DDX3X: variants seen among roughly 807,000 people sequenced by gnomAD.
The protein encoded by DDX3X is ATP-dependent RNA helicase DDX3X.
A neutral mutation model predicts 52.7 loss-of-function variants in DDX3X; 4 were observed. The observed-to-expected ratio is 0.08, with a 90% CI of 0.04 to 0.17. DDX3X has a LOEUF of 0.17. Ranked by LOEUF, DDX3X falls within the 10% of genes least tolerant of loss-of-function variation. The pLI, the probability that DDX3X is intolerant of heterozygous loss-of-function variation, is 1.00. For missense variants in DDX3X, 222 were observed against 548.6 expected (o/e 0.40, Z 5.95); for synonymous variants, 192 against 178.1 (o/e 1.08, Z -0.62).
upstream of DDX3X, chrX:41,334,017 C>T (rs2063715973): frequency 2.2e-5 from 9 of 415,013 alleles, no homozygotes; most frequent in South Asian, 2.7e-4. Context: ...ATCCCTTGAG[C>T]TTAGACCTGA....
intron 1 of DDX3X, chrX:41,334,832 CTT>C (rs1230617729): frequency 1.2e-6 from 1 of 839,430 alleles, no homozygotes; most frequent in Non-Finnish European, 1.5e-6. Context: ...GCGGCGGCCT[CTT>C]TTGTGTGGTG....
intron 5 of DDX3X, among the ~76,000 whole-genome samples, chrX:41,359,807 A>AAAAAAAT (rs1164535970): frequency 1.9e-5 from 2 of 107,816 alleles, no homozygotes; most frequent in Non-Finnish European, 3.8e-5. Flanking sequence ...AAAAATACAA[A>AAAAAAAT]AAAAAATAAA....
rs1020934975 is a variant in DDX3X, at chrX:41,342,928, A to C, written c.543+92A>C. Reference sequence around the variant, plus strand: ...TGAGATGGGCTTCATAAAGTCATGTAGACCAGAGGCTTCATAGATTTGTGG... The same window carrying C: ...TGAGATGGGCTTCATAAAGTCATGTCGACCAGAGGCTTCATAGATTTGTGG... On this transcript the variant is annotated intron_variant, in intron 6 of 16. Coordinates refer to ENST00000644876, the MANE Select transcript of DDX3X (RefSeq NM_001356.5). 5.0e-5 allele frequency: 37 copies of C among 734,783 alleles called. No individual in the cohort carries two copies. The Admixed American group carries it at 9.8e-4, about 19-fold the overall frequency. The allele number at this position is 734,783 out of a possible 1,213,427, so 60.6% of individuals were successfully genotyped here.
chrX:41,334,504 C>G, intron 1 of DDX3X: 2 of 1,094,687 alleles, frequency 1.8e-6, no homozygotes, highest in Non-Finnish European at 2.4e-6. Flanking sequence ...GCTGTATTGT[C>G]CCCGGGACGA....
intron 4 of DDX3X, chrX:41,341,968 G>A (rs930459181): frequency 3.0e-4 from 51 of 168,506 alleles, no homozygotes; most frequent in South Asian, 2.6e-4. Flanking sequence ...CTGACCCCAC[G>A]TGCCTAATAG....
intron 5 of DDX3X, among the ~76,000 whole-genome samples, chrX:41,363,317 T>A (rs781446312): frequency 6.6e-4 from 73 of 110,682 alleles, no homozygotes; most frequent in Admixed American, 1.1e-3. Flanking sequence ...CCCAGCTACA[T>A]GGGAGGCCAA....
intron 16 of DDX3X, 89 bp downstream of exon 16, chrX:41,347,540 C>T (rs1196231169): frequency 3.6e-5 from 42 of 1,157,982 alleles, no homozygotes; most frequent in Non-Finnish European, 4.6e-5. Context: ...AATTTAAGTT[C>T]AGCACTATAG....
intron 15 of DDX3X, 82 bp downstream of exon 15, chrX:41,347,094 A>C (rs1240632202): frequency 2.9e-6 from 3 of 1,032,285 alleles, no homozygotes; most frequent in Middle Eastern, 2.6e-4. Context: ...ATAACGTCCA[A>C]GGTTAACTGT....
rs368642919 is a variant in DDX3X at position 41,346,534 on chromosome X, T to C, written c.1527T>C (p.Asn509=). Residue 509 remains asparagine, a synonymous_variant, in exon 14 of 17, where the codon AAT becomes AAC. Coordinates refer to ENST00000644876, the MANE Select transcript of DDX3X (RefSeq NM_001356.5). ...AVAARGLDIS[N]VKHVINFDLP... ...CAGCAAGAGGACTGGACATTTCAAA[T>C]GTGAAACATGTTATCAATTTTGACT... 35 of 1,209,582 alleles carry C rather than the reference T, an allele frequency of 2.9e-5. No individual in the cohort carries two copies. In the Admixed American group the frequency reaches 3.5e-4, roughly 12 times the overall value.
chrX:41,337,523 A>G (rs911393597), intron 2 of DDX3X, 58 bp downstream of exon 2: 1 of 1,003,677 alleles, frequency 1.0e-6, no homozygotes, highest in African/African-American at 1.9e-5. Flanking sequence ...TTAAGATTTC[A>G]TTGGGCTTAT....
Position 41,334,232 on chromosome X carries a change from A to T in DDX3X, c.-21A>T. On this transcript the variant is annotated 5_prime_UTR_variant, in exon 1 of 17. Transcript: ENST00000644876. Reference sequence around the variant, plus strand: ...ACTCGCTTAGCAGCGGAAGACTCCGAGTTCTCGGTACTCTTCAGGGATGAG... The same window carrying T: ...ACTCGCTTAGCAGCGGAAGACTCCGTGTTCTCGGTACTCTTCAGGGATGAG... 8.3e-7 allele frequency: 1 copy of T among 1,203,638 alleles called. No homozygotes were observed. Among genetic ancestry groups the T allele is most frequent in the Non-Finnish European group, 1.1e-6 (1 of 889,499 alleles).
At chrX:41,344,473 T>C in intron 10 of DDX3X, 74 bp downstream of exon 10, 3 of 1,138,699 alleles carry the variant, frequency 2.6e-6, no homozygotes, top group Non-Finnish European at 1.2e-6. Context: ...GTTGCGCTCT[T>C]GTTGCCCAGG....
intron 6 of DDX3X, 166 bp from the exon 7 acceptor site, chrX:41,343,050 A>G (rs1394708184): frequency 2.2e-5 from 14 of 624,515 alleles, no homozygotes; most frequent in East Asian, 7.2e-5. Flanking sequence ...GTCTTCTCCA[A>G]TGTGCAGTAA....
intron 4 of DDX3X, 97 bp from the exon 5 acceptor site, chrX:41,342,398 G>A (rs1428138896): frequency 1.0e-6 from 1 of 966,153 alleles, no homozygotes; most frequent in East Asian, 3.1e-5. Context: ...CTTATGGTTA[G>A]CCATAACTTA....
At chrX:41,355,204 G>C (rs192844713), downstream of DDX3X, among the ~76,000 whole-genome samples, 484 of 111,491 alleles carry the variant, frequency 4.3e-3, 1 homozygote, top group Non-Finnish European at 6.9e-3. Context: ...TCTTGTTTCC[G>C]GTTTGTGACT....
At chrX:41,343,701 G>A (rs1286904411) in intron 7 of DDX3X, 36 bp from the exon 8 acceptor site, 1 of 1,134,987 alleles carries the variant, frequency 8.8e-7, no homozygotes, top group Admixed American at 2.2e-5. Context: ...CTGTTTAAAA[G>A]TAATGAGCAG....
downstream of DDX3X, among the ~76,000 whole-genome samples, chrX:41,354,344 C>CTTTTTTTTTTTTTTTTTT (rs60965317): frequency 7.1e-5 from 5 of 69,944 alleles, no homozygotes; most frequent in African/African-American, 1.3e-4. Context: ...TGTGCTACCT[C>CTTTTTTTTTTTTTTTTTT]TTTTTTTTTT....
chrX:41,361,199 T>C (rs147032183), intron 5 of DDX3X, among the ~76,000 whole-genome samples: 1,213 of 108,920 alleles, frequency 0.011, 9 homozygotes, highest in Non-Finnish European at 0.016. Flanking sequence ...GCTTTTGTCA[T>C]CCCAACGAAG....
chrX:41,337,906 C>A (rs1227477722), intron 2 of DDX3X: 1 of 114,667 alleles, frequency 8.7e-6, no homozygotes, highest in Admixed American at 9.4e-5. Context: ...AATCCTGAGC[C>A]CAGTTTAGAG....
Sources: allele counts gnomAD v4.1 joint callset (sites outside exome capture counted in the v4.1 genomes callset), GRCh38; gene constraint gnomAD v4.1.1; transcripts MANE v1.5; gene names NCBI Gene and HGNC (gene_info 2026-07-23, HGNC 2026-07-21).